TMEM117: variants seen among roughly 807,000 people sequenced by gnomAD.
TMEM117 encodes the protein transmembrane protein 117.
In TMEM117, 27 loss-of-function variants were observed where a neutral mutation model predicts 52.4. The ratio of observed to expected loss-of-function variants is 0.51; its 90% CI spans 0.38 to 0.71. The LOEUF is 0.71. TMEM117 is among the 30% of genes least tolerant of loss of function. The pLI is 0.00. For synonymous variants in TMEM117, 215 were observed against 206.3 expected, an observed-to-expected ratio of 1.04 and a Z score of -0.36; for missense variants, 556 against 630.5, an observed-to-expected ratio of 0.88 and a Z score of 1.26.
chr12:43,888,648 C>T (rs1266578687), intron 2 of TMEM117, among the ~76,000 whole-genome samples: 4 of 148,110 alleles, frequency 2.7e-5, no homozygotes, highest in Admixed American at 6.7e-5. Context: ...CTCGGGTTCA[C>T]GCCATTCTCC....
chr12:44,209,628 TG>T (rs1342704210), intron 4 of TMEM117, among the ~76,000 whole-genome samples: 1 of 152,156 alleles, frequency 6.6e-6, no homozygotes, highest in African/African-American at 2.4e-5. Flanking sequence ...CACAAATTAT[TG>T]TAGGCCCTAT....
At chr12:44,023,119 C>T (rs1019112295) in intron 3 of TMEM117, among the ~76,000 whole-genome samples, 2 of 152,150 alleles carry the variant, frequency 1.3e-5, no homozygotes, top group African/African-American at 2.4e-5. Flanking sequence ...ATGATGATTT[C>T]CAGTTTCATC....
intron 6 of TMEM117, among the ~76,000 whole-genome samples, chr12:44,305,324 A>G (rs1301342049): frequency 6.6e-6 from 1 of 152,242 alleles, no homozygotes. Context: ...ATTAAACAAA[A>G]GAGCTTTTGT....
intron 3 of TMEM117, among the ~76,000 whole-genome samples, chr12:44,128,694 A>C (rs1815289367): frequency 6.6e-6 from 1 of 152,128 alleles, no homozygotes; most frequent in Non-Finnish European, 1.5e-5. Context: ...ACCTTTAATT[A>C]CCACCAAAGG....
At chr12:44,310,351 A>G (rs1486013746) in intron 6 of TMEM117, among the ~76,000 whole-genome samples, 1 of 152,184 alleles carries the variant, frequency 6.6e-6, no homozygotes, top group African/African-American at 2.4e-5. Flanking sequence ...GATAAGAATC[A>G]CTGGGGGCAG....
intron 3 of TMEM117, among the ~76,000 whole-genome samples, chr12:43,960,015 A>G (rs971839836): frequency 6.6e-6 from 1 of 152,096 alleles, no homozygotes; most frequent in African/African-American, 2.4e-5. Flanking sequence ...GAAGCCCAGA[A>G]CTCCTTGATT....
the TMEM117 span, among the ~76,000 whole-genome samples, chr12:43,830,610 CA>C: frequency 0.38 from 35,905 of 94,710 alleles, 6,631 homozygotes; most frequent in African/African-American, 0.63. Flanking sequence ...ACACTTGTCT[CA>C]AAAAAAAAAA....
At chr12:44,075,149 T>A (rs1375420023) in intron 3 of TMEM117, among the ~76,000 whole-genome samples, 1 of 152,192 alleles carries the variant, frequency 6.6e-6, no homozygotes, top group Non-Finnish European at 1.5e-5. Context: ...ATTTTGTGAT[T>A]CCCACCTTAA....
intron 2 of TMEM117, among the ~76,000 whole-genome samples, chr12:43,871,346 C>T (rs1158301054): frequency 3.9e-5 from 6 of 152,118 alleles, no homozygotes; most frequent in Non-Finnish European, 5.9e-5. Context: ...TCAGGTGATC[C>T]GCCTGCCTCT....
At chr12:44,115,282 G>C (rs889218920) in intron 3 of TMEM117, among the ~76,000 whole-genome samples, 2 of 152,140 alleles carry the variant, frequency 1.3e-5, no homozygotes, top group Non-Finnish European at 2.9e-5. Flanking sequence ...CACAGGAAGG[G>C]GAACATCACA....
intron 7 of TMEM117, among the ~76,000 whole-genome samples, chr12:44,381,909 A>C (rs533725029): frequency 1.3e-5 from 2 of 152,118 alleles, no homozygotes; most frequent in African/African-American, 4.8e-5. Flanking sequence ...CTGTCTGGCA[A>C]AATTAGCAAG....
intron 3 of TMEM117, among the ~76,000 whole-genome samples, chr12:44,102,530 C>T (rs892599682): frequency 3.3e-5 from 5 of 151,792 alleles, no homozygotes; most frequent in Non-Finnish European, 7.4e-5. Flanking sequence ...AATACTATTT[C>T]TCCCTCTCCT....
In TMEM117 at chr12:43,983,453, C is replaced by T. The variant is rs151230656; in HGVS notation, c.410+39111C>T. Among the ~76,000 whole-genome samples, 52 of 151,404 alleles carry T rather than the reference C, an allele frequency of 3.4e-4. 2 individuals carry two copies. Among genetic ancestry groups the T allele is most frequent in the African/African-American group, 1.2e-3 (48 of 41,320 alleles). Reference sequence around the variant, plus strand: ...GGAGTCACTGCTGTAGCCTGTATCACAGTTTGCACATGAATTTATAGGTTG... The same window carrying T: ...GGAGTCACTGCTGTAGCCTGTATCATAGTTTGCACATGAATTTATAGGTTG... On this transcript the variant is annotated intron_variant, in intron 3 of 7. Coordinates refer to ENST00000266534, the MANE Select transcript of TMEM117 (RefSeq NM_032256.3).
intron 2 of TMEM117, among the ~76,000 whole-genome samples, chr12:43,924,920 C>G (rs10785477): frequency 0.16 from 24,332 of 152,090 alleles, 2,853 homozygotes; most frequent in African/African-American, 0.32. Flanking sequence ...CTATATCAGC[C>G]AGAGCTATAG....
At chr12:43,881,771 A>G (rs1001180162) in intron 2 of TMEM117, among the ~76,000 whole-genome samples, 2 of 121,664 alleles carry the variant, frequency 1.6e-5, no homozygotes, top group African/African-American at 5.8e-5. Context: ...TCTGGGCAAC[A>G]AGAGTGAAAC....
intron 2 of TMEM117, among the ~76,000 whole-genome samples, chr12:43,856,844 A>G (rs754578526): frequency 1.1e-4 from 16 of 152,228 alleles, no homozygotes; most frequent in Non-Finnish European, 2.2e-4. Context: ...TTCCTTAAAA[A>G]GACATGAGAT....
At chr12:43,918,187 G>A (rs768269996) in intron 2 of TMEM117, among the ~76,000 whole-genome samples, 1 of 152,114 alleles carries the variant, frequency 6.6e-6, no homozygotes, top group Admixed American at 6.5e-5. Flanking sequence ...CAAGGGGGAC[G>A]TCATTCTGTC....
chr12:44,132,433 A>G (rs1470170351), intron 3 of TMEM117, among the ~76,000 whole-genome samples: 2 of 151,812 alleles, frequency 1.3e-5, no homozygotes, highest in African/African-American at 2.4e-5. Flanking sequence ...TGGCCTAACA[A>G]CTCATTGTGA....
chr12:43,998,159 T>A (rs1046822628), intron 3 of TMEM117, among the ~76,000 whole-genome samples: 63 of 152,188 alleles, frequency 4.1e-4, no homozygotes, highest in Non-Finnish European at 4.3e-4. Context: ...AATACCTAGA[T>A]TATTTTGTAG....
Sources: gnomAD v4.1 joint callset for allele counts (sites outside exome capture counted in the v4.1 genomes callset) on GRCh38, gnomAD v4.1.1 for gene constraint, MANE v1.5 for transcripts, NCBI Gene and HGNC (gene_info 2026-07-23, HGNC 2026-07-21) for gene names.